Variants in RBL1 observed in about 807,000 individuals in gnomAD.
The protein encoded by RBL1 is RB transcriptional corepressor like 1.
In RBL1, 82 loss-of-function variants were observed where a neutral mutation model predicts 123.0. The ratio of observed to expected loss-of-function variants is 0.67; its 90% CI spans 0.56 to 0.80. RBL1 has a LOEUF of 0.80. Ranked by LOEUF, RBL1 falls within the 30% of genes least tolerant of loss-of-function variation. RBL1 has a pLI of 0.00. For missense variants in RBL1, 1,171 were observed against 1,299.6 expected, an observed-to-expected ratio of 0.90 and a Z score of 1.52; for synonymous variants, 405 against 441.3, an observed-to-expected ratio of 0.92 and a Z score of 1.03.
intron 21 of RBL1, among the ~76,000 whole-genome samples, chr20:36,999,242 C>CA (rs2063924090): frequency 6.6e-6 from 1 of 151,794 alleles, no homozygotes; most frequent in Non-Finnish European, 1.5e-5. Flanking sequence ...CTGGTCTCTA[C>CA]AAAAAATACA....
chr20:37,087,398 A>T (rs2065566096), intron 2 of RBL1, among the ~76,000 whole-genome samples: 1 of 152,100 alleles, frequency 6.6e-6, no homozygotes, highest in Non-Finnish European at 1.5e-5. Context: ...AGCTTGAGCA[A>T]CATAGTAAGA....
intron 16 of RBL1, among the ~76,000 whole-genome samples, chr20:37,024,510 A>G (rs1175548728): frequency 1.3e-5 from 2 of 152,230 alleles, no homozygotes; most frequent in Non-Finnish European, 2.9e-5. Flanking sequence ...TAACATTCAC[A>G]GTAAATTCTA....
chr20:37,060,207 A>AATAC (rs1156979164), intron 9 of RBL1, among the ~76,000 whole-genome samples: 2 of 151,524 alleles, frequency 1.3e-5, no homozygotes, highest in Admixed American at 6.6e-5. Flanking sequence ...TAAATAAATA[A>AATAC]ATAAATCCAT....
chr20:37,083,224 T>G (rs939039008), intron 2 of RBL1, among the ~76,000 whole-genome samples: 1 of 151,848 alleles, frequency 6.6e-6, no homozygotes, highest in Non-Finnish European at 1.5e-5. Flanking sequence ...TCTTAGCACT[T>G]TGGGAGGCTG....
chr20:37,077,795 A>AG (rs1010511326), intron 2 of RBL1, among the ~76,000 whole-genome samples: 11 of 152,024 alleles, frequency 7.2e-5, no homozygotes, highest in African/African-American at 2.7e-4. Flanking sequence ...CTGAAAAAAA[A>AG]AAAAAAAAAT....
chr20:37,081,929 C>T (rs192639479), intron 2 of RBL1: 38 of 453,880 alleles, frequency 8.4e-5, no homozygotes, highest in African/African-American at 7.2e-4. Flanking sequence ...TGAATGGTAC[C>T]AAGGCTCCAA....
At chr20:37,086,197 A>G (rs2065542694) in intron 2 of RBL1, among the ~76,000 whole-genome samples, 2 of 152,212 alleles carry the variant, frequency 1.3e-5, no homozygotes, top group South Asian at 4.1e-4. Context: ...TTATACTAAC[A>G]ATGATAATGT....
intron 7 of RBL1, among the ~76,000 whole-genome samples, chr20:37,064,763 C>T (rs553959602): frequency 2.4e-4 from 37 of 152,056 alleles, no homozygotes; most frequent in Middle Eastern, 6.8e-3. Flanking sequence ...GTGTGCACCA[C>T]CACACCCAGA....
chr20:37,006,222 CAG>C (rs2064070999), intron 20 of RBL1, among the ~76,000 whole-genome samples: 1 of 136,368 alleles, frequency 7.3e-6, no homozygotes, highest in Non-Finnish European at 1.6e-5. Flanking sequence ...TTTTTTGAGA[CAG>C]AGTTTCCCTC....
rs1188276992 is a variant in RBL1 at position 36,997,266 on chromosome 20, CACTGAAA to C, written c.*1486_*1492del. On this transcript the variant is annotated 3_prime_UTR_variant, in exon 22 of 22. Transcript: ENST00000373664. The stretch of plus-strand genomic sequence containing the variant: ...CCCTAGTACTGAAAAGCATCCCTAA[CACTGAAA>C]AAAGCATCCCTAGTACTGAAAAACA... 6.6e-6 allele frequency: 1 copy of C among 151,876 alleles called. No individual in the cohort carries two copies. Among genetic ancestry groups the C allele is most frequent in the Non-Finnish European group, 1.5e-5 (1 of 68,070 alleles). 9.4% of individuals were successfully genotyped at this position (151,876 alleles called of 1,614,324 possible). A position where few individuals can be genotyped will look rare whatever the true frequency, so the allele number is the denominator to read the frequency against.
At chr20:37,071,523 G>A (rs2065281263) in intron 2 of RBL1, among the ~76,000 whole-genome samples, 1 of 152,144 alleles carries the variant, frequency 6.6e-6, no homozygotes, top group Admixed American at 6.6e-5. Context: ...AAGCATGGTG[G>A]TGTGTGACTG....
intron 14 of RBL1, among the ~76,000 whole-genome samples, chr20:37,035,809 AAATTTTAGTAGTAGTCC>A (rs1365539389): frequency 6.6e-6 from 1 of 152,226 alleles, no homozygotes; most frequent in Non-Finnish European, 1.5e-5. Context: ...AGTGAGCACT[AAATTTTAGTAGTAGTCC>A]AATATCTCCC....
chr20:37,073,519 G>A (rs1368888558), intron 2 of RBL1, among the ~76,000 whole-genome samples: 3 of 151,022 alleles, frequency 2.0e-5, no homozygotes, highest in Admixed American at 1.3e-4. Context: ...GCAACATAGT[G>A]GGACCTCATG....
At chr20:37,081,775 C>A in intron 2 of RBL1, 1 of 329,002 alleles carries the variant, frequency 3.0e-6, no homozygotes, top group Non-Finnish European at 6.0e-6. Flanking sequence ...ATGATTGTGT[C>A]CTTAGAAGCA....
At chr20:37,018,251 A>G (rs368821239) in intron 19 of RBL1, 28 bp downstream of exon 19, 1 of 1,586,834 alleles carries the variant, frequency 6.3e-7, no homozygotes, top group South Asian at 1.2e-5. Context: ...TGTGTTTTAC[A>G]TATAATATGT....
At chr20:37,020,625 A>G (rs1405065262) in intron 18 of RBL1, 34 bp downstream of exon 18, 1 of 1,406,734 alleles carries the variant, frequency 7.1e-7, no homozygotes, top group African/African-American at 1.4e-5. Flanking sequence ...GAGTAAATCT[A>G]TTTTTGGACA....
At chr20:37,065,893 C>T (rs1167496725) in intron 6 of RBL1, among the ~76,000 whole-genome samples, 3 of 152,090 alleles carry the variant, frequency 2.0e-5, no homozygotes, top group Non-Finnish European at 2.9e-5. Context: ...GGATTACAGG[C>T]GTGAGCCACC....
In RBL1 at chr20:37,023,418, C is replaced by T. The variant is rs111460085; in HGVS notation, c.2383-592G>A. Among the ~76,000 whole-genome samples, 623 of 152,106 alleles carry T rather than the reference C, an allele frequency of 4.1e-3. 8 individuals carry two copies. The highest frequency in any genetic ancestry group is 0.014 in the African/African-American group (597 of 41,494). Reference sequence around the variant, plus strand: ...GATTACAGGTGTGAGCCACTGTGCCCGGCTCGAATGCATAATTTTTCAAAG... The same window carrying T: ...GATTACAGGTGTGAGCCACTGTGCCTGGCTCGAATGCATAATTTTTCAAAG... On this transcript the variant is annotated intron_variant, in intron 16 of 21. Transcript: ENST00000373664.
In RBL1 at chr20:36,998,869, T is replaced by C; in HGVS notation, c.3097A>G (p.Ile1033Val). 1 of 1,613,578 alleles carries C rather than the reference T, an allele frequency of 6.2e-7. No homozygotes were observed. Among genetic ancestry groups the C allele is most frequent in the South Asian group, 1.1e-5 (1 of 91,066 alleles). ...GATTCTGCATCACTATCGATGGCTA[T>C]TACTCGCTTCTTGGTTCTCTGCTCA... The part of the protein sequence containing the change: ...QGEQRTKKRV[I>V]AIDSDAESPA... The change falls in exon 22 of 22, where the codon ATA (isoleucine) becomes GTA (valine). Residue 1033 changes from isoleucine to valine, a missense_variant. Ile to Val is a conservative substitution (Grantham distance 29, BLOSUM62 3). Transcript: ENST00000373664.
Sources: allele counts gnomAD v4.1 joint callset (sites outside exome capture counted in the v4.1 genomes callset), GRCh38; gene constraint gnomAD v4.1.1; transcripts MANE v1.5; gene names NCBI Gene and HGNC (gene_info 2026-07-23, HGNC 2026-07-21).